Variants in KCNQ5 observed in about 807,000 individuals in gnomAD.
KCNQ5 encodes potassium voltage-gated channel subfamily Q member 5, also known as potassium voltage-gated channel subfamily KQT member 5.
A neutral mutation model predicts 98.2 loss-of-function variants in KCNQ5; 30 were observed. The observed-to-expected ratio is 0.31, with a 90% CI of 0.23 to 0.41. The LOEUF (loss-of-function observed/expected upper bound fraction) is 0.41. Among genes scored for constraint, KCNQ5 ranks in the 10% least tolerant of loss-of-function variants. The pLI, the probability that KCNQ5 is intolerant of heterozygous loss-of-function variation, is 1.00. For missense variants in KCNQ5, 835 were observed against 1,182.5 expected, an observed-to-expected ratio of 0.71 and a Z score of 4.31; for synonymous variants, 458 against 449.4, an observed-to-expected ratio of 1.02 and a Z score of -0.24.
At chr6:72,772,498 A>G (rs1313122941) in intron 1 of KCNQ5, among the ~76,000 whole-genome samples, 1 of 152,158 alleles carries the variant, frequency 6.6e-6, no homozygotes, top group Admixed American at 6.6e-5. Context: ...ATAGCTTCAG[A>G]GAAGTGAAAA....
intron 1 of KCNQ5, among the ~76,000 whole-genome samples, chr6:72,871,052 T>C (rs1778184235): frequency 6.6e-6 from 1 of 152,112 alleles, no homozygotes; most frequent in Non-Finnish European, 1.5e-5. Flanking sequence ...AGGATTGGAG[T>C]GACTGATGCT....
chr6:72,655,085 TTTC>T (rs1224824193), intron 1 of KCNQ5, among the ~76,000 whole-genome samples: 6 of 149,052 alleles, frequency 4.0e-5, no homozygotes, highest in African/African-American at 1.5e-4. Context: ...TCTTTCTTTC[TTTC>T]TTTCTTTCTG....
chr6:72,870,955 G>A (rs373687690), intron 1 of KCNQ5, among the ~76,000 whole-genome samples: 1 of 152,074 alleles, frequency 6.6e-6, no homozygotes, highest in Non-Finnish European at 1.5e-5. Flanking sequence ...TTCCTTTCAT[G>A]TTTTAACCAT....
intron 1 of KCNQ5, among the ~76,000 whole-genome samples, chr6:72,850,449 C>A (rs373646665): frequency 4.6e-5 from 7 of 152,096 alleles, no homozygotes; most frequent in Admixed American, 3.9e-4. Context: ...TTTTATTGAG[C>A]GCCTACTACA....
At chr6:73,026,180 C>T (rs866931897) in intron 2 of KCNQ5, among the ~76,000 whole-genome samples, 3 of 152,322 alleles carry the variant, frequency 2.0e-5, no homozygotes, top group Middle Eastern at 3.4e-3. Flanking sequence ...GAGCACAAAT[C>T]CAAACTTCTG....
intron 1 of KCNQ5, among the ~76,000 whole-genome samples, chr6:72,894,065 G>T (rs1779155248): frequency 6.6e-6 from 1 of 152,208 alleles, no homozygotes; most frequent in Non-Finnish European, 1.5e-5. Flanking sequence ...GAACTTTATA[G>T]TAGACTTCAG....
intron 1 of KCNQ5, among the ~76,000 whole-genome samples, chr6:72,702,771 G>A (rs960313261): frequency 1.3e-5 from 2 of 151,960 alleles, no homozygotes; most frequent in African/African-American, 4.8e-5. Context: ...GCCACTTTAC[G>A]GTATGATTTC....
intron 2 of KCNQ5, 53 bp from the exon 3 acceptor site, chr6:73,041,883 C>T (rs929545228): frequency 1.2e-6 from 2 of 1,607,662 alleles, no homozygotes; most frequent in African/African-American, 2.7e-5. Context: ...GAGCTTCTTA[C>T]TGTGGTTTGC....
chr6:73,034,092 T>A (rs749698149), intron 2 of KCNQ5, among the ~76,000 whole-genome samples: 3 of 152,240 alleles, frequency 2.0e-5, no homozygotes, highest in Non-Finnish European at 4.4e-5. Flanking sequence ...CATCTCTAGA[T>A]CTTAATTTCA....
At chr6:72,977,687 C>T (rs2150292484) in intron 1 of KCNQ5, among the ~76,000 whole-genome samples, 1 of 152,284 alleles carries the variant, frequency 6.6e-6, no homozygotes, top group East Asian at 1.9e-4. Flanking sequence ...TCCCTGACCA[C>T]TTTGTCCATA....
intron 3 of KCNQ5, among the ~76,000 whole-genome samples, chr6:73,056,017 T>A (rs1772472698): frequency 6.6e-6 from 1 of 152,156 alleles, no homozygotes; most frequent in Non-Finnish European, 1.5e-5. Flanking sequence ...CTGCACCCAC[T>A]CCCTTCATAC....
At chr6:73,066,249 A>C (rs1448307325) in intron 3 of KCNQ5, among the ~76,000 whole-genome samples, 1 of 152,210 alleles carries the variant, frequency 6.6e-6, no homozygotes, top group African/African-American at 2.4e-5. Context: ...TATTCTTAAT[A>C]ATACTTTACT....
intron 10 of KCNQ5, chr6:73,134,716 A>ACGTGGCTCCTCCTGG (rs1373528001): frequency 6.6e-6 from 1 of 152,482 alleles, no homozygotes; most frequent in Non-Finnish European, 1.5e-5. Flanking sequence ...GGCTGCACTG[A>ACGTGGCTCCTCCTGG]CGTGGCTCCT....
At chr6:72,657,393 A>T (rs1035482091) in intron 1 of KCNQ5, among the ~76,000 whole-genome samples, 1 of 152,132 alleles carries the variant, frequency 6.6e-6, no homozygotes, top group Admixed American at 6.6e-5. Context: ...GAGAATCACA[A>T]TTTTTTCTCA....
intron 1 of KCNQ5, among the ~76,000 whole-genome samples, chr6:72,631,138 T>A (rs1282859723): frequency 6.6e-6 from 1 of 152,166 alleles, no homozygotes; most frequent in East Asian, 1.9e-4. Context: ...GGGTAAATAG[T>A]GGTGCTATTA....
chr6:73,187,251 G>A (rs536754055), intron 11 of KCNQ5, among the ~76,000 whole-genome samples: 4 of 152,026 alleles, frequency 2.6e-5, no homozygotes, highest in Non-Finnish European at 5.9e-5. Flanking sequence ...AGTAGAGATG[G>A]GGTTTCACCG....
intron 3 of KCNQ5, chr6:73,043,390 C>T (rs762562109): frequency 6.3e-6 from 1 of 157,982 alleles, no homozygotes; most frequent in Non-Finnish European, 1.4e-5. Flanking sequence ...CAATAATAGG[C>T]TTTACTGCTT....
At chr6:73,011,319 T>C (rs768112167) in intron 2 of KCNQ5, among the ~76,000 whole-genome samples, 11 of 152,076 alleles carry the variant, frequency 7.2e-5, no homozygotes, top group Non-Finnish European at 1.5e-4. Context: ...TGGAATAGAA[T>C]AGAAAGTCCA....
intron 1 of KCNQ5, among the ~76,000 whole-genome samples, chr6:72,650,701 G>T (rs987577515): frequency 2.0e-5 from 3 of 152,072 alleles, no homozygotes; most frequent in African/African-American, 7.2e-5. Context: ...TTAGTATAGG[G>T]TCTTGTTTAC....
Sources: allele counts gnomAD v4.1 joint callset (sites outside exome capture counted in the v4.1 genomes callset), GRCh38; gene constraint gnomAD v4.1.1; transcripts MANE v1.5; gene names NCBI Gene and HGNC (gene_info 2026-07-23, HGNC 2026-07-21).